The following LIMCH1 variants were observed in gnomAD, a reference collection of about 807,000 sequenced individuals.
LIMCH1 encodes LIM and calponin homology domains 1.
A neutral mutation model predicts 176.5 loss-of-function variants in LIMCH1; 113 were observed. The observed-to-expected ratio is 0.64, with a 90% CI of 0.55 to 0.75. The LOEUF (loss-of-function observed/expected upper bound fraction) is 0.75, where lower values mean the gene tolerates loss of function less well. Among genes scored for constraint, LIMCH1 ranks in the 30% least tolerant of loss-of-function variants. LIMCH1 has a pLI of 0.00. For missense variants in LIMCH1, 1,674 were observed against 1,814.9 expected (o/e 0.92, Z 1.41); for synonymous variants, 619 against 645.9 (o/e 0.96, Z 0.63).
At chr4:41,464,673 C>T (rs150533262) in intron 1 of LIMCH1, among the ~76,000 whole-genome samples, 259 of 152,194 alleles carry the variant, frequency 1.7e-3, no homozygotes, top group African/African-American at 5.9e-3. Flanking sequence ...CAGGCCTGCC[C>T]GAGCCATTTT....
intron 21 of LIMCH1, 69 bp from the exon 22 acceptor site, chr4:41,671,485 T>A: frequency 1.5e-6 from 2 of 1,331,018 alleles, no homozygotes; most frequent in South Asian, 1.2e-5. Context: ...CACTGATAGG[T>A]CAAAAACAAA....
Position 41,433,676 on chromosome 4 carries a change from C to CT in LIMCH1, c.97-60844dup, listed in dbSNP as rs35230578. Among the ~76,000 whole-genome samples, 1,169 of 130,228 alleles carry CT rather than the reference C, an allele frequency of 9.0e-3. 8 individuals carry two copies. Among genetic ancestry groups the CT allele is most frequent in the African/African-American group, 0.017 (572 of 32,688 alleles). The allele number at this position is 130,228 out of a possible 152,430, so 85.4% of individuals were successfully genotyped here. ...AAAGAAAGCAGAAGCTGTTAGTCTT[C>CT]TTTTTTTTTTTTTTTTAAACTTTTA... On this transcript the variant is annotated intron_variant, in intron 1 of 26. Transcript: ENST00000313860.
intron 5 of LIMCH1, among the ~76,000 whole-genome samples, chr4:41,617,414 A>G (rs968779409): frequency 2.0e-5 from 3 of 152,132 alleles, no homozygotes; most frequent in Non-Finnish European, 4.4e-5. Flanking sequence ...ACCTTTATAA[A>G]ATGGGATAGT....
At chr4:41,384,190 T>G (rs569675554) in intron 1 of LIMCH1, among the ~76,000 whole-genome samples, 1 of 151,604 alleles carries the variant, frequency 6.6e-6, no homozygotes, top group South Asian at 2.1e-4. Context: ...TGAGGGGTCC[T>G]TCACATTACA....
At position 41,644,533 on chromosome 4, in the gene LIMCH1, G is replaced by A. The variant is rs2093980634; in HGVS notation, c.2160G>A (p.Glu720=). 2 of 1,594,542 alleles carry A rather than the reference G, an allele frequency of 1.3e-6. No individual in the cohort carries two copies. Among genetic ancestry groups the A allele is most frequent in the Non-Finnish European group, 8.5e-7 (1 of 1,170,912 alleles). ...GCATGTTTGACATGCGGTGTGAGGAGGAGGCCGCGGTGCAGCCGCACAGCA... is the reference window on the plus strand; with the variant it reads ...GCATGTTTGACATGCGGTGTGAGGAAGAGGCCGCGGTGCAGCCGCACAGCA... The part of the protein sequence containing the change: ...STSMFDMRCE[E]EAAVQPHSRA... Residue 720 remains glutamate, a synonymous_variant, in exon 15 of 32, where the codon GAG becomes GAA. Coordinates refer to ENST00000503057, the MANE Select transcript of LIMCH1 (RefSeq NM_001330672.2).
At chr4:41,517,345 C>A (rs778455238) in intron 2 of LIMCH1, among the ~76,000 whole-genome samples, 5 of 152,162 alleles carry the variant, frequency 3.3e-5, no homozygotes, top group Admixed American at 1.3e-4. Context: ...GTGCCCGAGA[C>A]AGCAGGAAGA....
At chr4:41,388,516 G>T (rs1027958935) in intron 1 of LIMCH1, among the ~76,000 whole-genome samples, 1 of 152,224 alleles carries the variant, frequency 6.6e-6, no homozygotes, top group Non-Finnish European at 1.5e-5. Flanking sequence ...GGAATCTATT[G>T]GGGATGTTGG....
chr4:41,631,270 G>A lies in LIMCH1; in HGVS notation c.1394G>A (p.Arg465Lys). 2 of 1,536,052 alleles carry A rather than the reference G, an allele frequency of 1.3e-6. No individual in the cohort carries two copies. The highest frequency in any genetic ancestry group is 1.7e-6 in the Non-Finnish European group (2 of 1,146,904). ...ARASKKASSP[R>K]QKFVHFGPVT... ...GCCTCTAAGAAAGCTTCCAGCCCCA[G>A]GCAAAAGTTTGTGCACTTTGGGCCA... Residue 465 changes from arginine (R) to lysine (K), a missense_variant, in exon 10 of 32, where the codon AGG (arginine) becomes AAG (lysine). This residue lies in a region of LIMCH1 where 655 missense variants were observed against 692.2 expected (regional missense o/e 0.95). Coordinates refer to ENST00000503057, the MANE Select transcript of LIMCH1 (RefSeq NM_001330672.2).
At chr4:41,490,447 C>G (rs1019487207) in intron 1 of LIMCH1, among the ~76,000 whole-genome samples, 1 of 151,988 alleles carries the variant, frequency 6.6e-6, no homozygotes, top group African/African-American at 2.4e-5. Context: ...TGTTTGTGTC[C>G]CTGGGTGCTT....
At chr4:41,600,773 T>C (rs920673089) in intron 2 of LIMCH1, among the ~76,000 whole-genome samples, 8 of 151,976 alleles carry the variant, frequency 5.3e-5, no homozygotes, top group South Asian at 2.1e-4. Flanking sequence ...AGTGCAGATA[T>C]GGGAAGATGG....
intron 1 of LIMCH1, among the ~76,000 whole-genome samples, chr4:41,575,657 A>T (rs1285383053): frequency 2.0e-5 from 3 of 152,228 alleles, no homozygotes; most frequent in African/African-American, 7.2e-5. Context: ...TTTTTAAAAC[A>T]CATTTTGGCA....
At chr4:41,647,133 C>T (rs2094100116) in intron 17 of LIMCH1, among the ~76,000 whole-genome samples, 2 of 152,264 alleles carry the variant, frequency 1.3e-5, no homozygotes, top group South Asian at 4.2e-4. Context: ...ATAGTGGAGT[C>T]GTCTCCATGA....
intron 1 of LIMCH1, among the ~76,000 whole-genome samples, chr4:41,369,029 G>A (rs2053551698): frequency 6.6e-6 from 1 of 152,230 alleles, no homozygotes; most frequent in South Asian, 2.1e-4. Flanking sequence ...ACCCACAGAT[G>A]TCTTCTCATT....
In LIMCH1 at chr4:41,697,569, T is replaced by G; in HGVS notation, c.*384T>G. 1 of 190,870 alleles carries G rather than the reference T, an allele frequency of 5.2e-6. No homozygotes were observed. Among genetic ancestry groups the G allele is most frequent in the South Asian group, 1.8e-4 (1 of 5,656 alleles). 11.8% of individuals were successfully genotyped at this position (190,870 alleles called of 1,614,324 possible). A position where few individuals can be genotyped will look rare whatever the true frequency, so the allele number is the denominator to read the frequency against. On this transcript the variant is annotated 3_prime_UTR_variant, in exon 32 of 32. Coordinates refer to ENST00000503057, the MANE Select transcript of LIMCH1 (RefSeq NM_001330672.2). ...ATGTCTAGGAATTAAACACTTTATG[T>G]TTACAGAATTGAGCTGCAGAAAGTG...
chr4:41,542,225 G>A (rs1025679776), intron 1 of LIMCH1, among the ~76,000 whole-genome samples: 1 of 152,000 alleles, frequency 6.6e-6, no homozygotes, highest in African/African-American at 2.4e-5. Flanking sequence ...GAATGGAATG[G>A]CTGGTTCCAT....
At chr4:41,445,220 G>T (rs769734688) in intron 1 of LIMCH1, among the ~76,000 whole-genome samples, 8 of 152,072 alleles carry the variant, frequency 5.3e-5, no homozygotes, top group Non-Finnish European at 1.2e-4. Flanking sequence ...TGGCCAGGAT[G>T]GTCTTGATCT....
intron 1 of LIMCH1, among the ~76,000 whole-genome samples, chr4:41,489,220 G>A (rs1286009207): frequency 6.6e-6 from 1 of 152,102 alleles, no homozygotes; most frequent in Non-Finnish European, 1.5e-5. Context: ...GTTTACTAAT[G>A]TAGCCAAAGG....
intron 1 of LIMCH1, among the ~76,000 whole-genome samples, chr4:41,434,050 T>C (rs2061839034): frequency 6.6e-6 from 1 of 151,098 alleles, no homozygotes; most frequent in Non-Finnish European, 1.5e-5. Context: ...CACTTCCAAG[T>C]GACATAAGAG....
intron 1 of LIMCH1, among the ~76,000 whole-genome samples, chr4:41,414,225 T>C (rs7349609): frequency 0.57 from 87,195 of 151,862 alleles, 28,139 homozygotes; most frequent in East Asian, 0.82. Context: ...CACTGACAGA[T>C]CCCTCTTCTG....
Sources: allele counts gnomAD v4.1 joint callset (sites outside exome capture counted in the v4.1 genomes callset), GRCh38; gene constraint gnomAD v4.1.1; regional missense constraint gnomAD v4.1.1; transcripts MANE v1.5; gene names NCBI Gene and HGNC (gene_info 2026-07-23, HGNC 2026-07-21).